LYPD6B: variants seen among roughly 807,000 people sequenced by gnomAD.
LYPD6B encodes the protein ly6/PLAUR domain-containing protein 6B.
In LYPD6B, 17 loss-of-function variants were observed where a neutral mutation model predicts 22.8. That is an observed-to-expected ratio of 0.75 (90% CI 0.51 to 1.12). The LOEUF is 1.12. Among genes scored for constraint, LYPD6B ranks in the 50% most tolerant of loss-of-function variants. The pLI, the probability that LYPD6B is intolerant of heterozygous loss-of-function variation, is 0.00. For synonymous variants in LYPD6B, 106 were observed against 91.6 expected (o/e 1.16, Z -0.90); for missense variants, 221 against 258.3 (o/e 0.86, Z 0.99).
chr2:149,196,674 T>G (rs1692831583), intron 3 of LYPD6B, among the ~76,000 whole-genome samples: 1 of 152,234 alleles, frequency 6.6e-6, no homozygotes, highest in Non-Finnish European at 1.5e-5. Flanking sequence ...TGGCACACAG[T>G]GCTTAAGCAA....
At chr2:149,174,636 ATAACCATG>A (rs1310159515) in intron 3 of LYPD6B, among the ~76,000 whole-genome samples, 8 of 152,166 alleles carry the variant, frequency 5.3e-5, no homozygotes, top group African/African-American at 1.9e-4. Flanking sequence ...ATCTATTGAG[ATAACCATG>A]TAGTTTTTGT....
intron 2 of LYPD6B, among the ~76,000 whole-genome samples, chr2:149,134,733 C>A (rs973683000): frequency 3.3e-5 from 5 of 152,074 alleles, no homozygotes; most frequent in African/African-American, 1.2e-4. Context: ...TGGAAGCAAG[C>A]CAGGATCCAT....
At chr2:149,168,170 C>G (rs1424632099) in intron 3 of LYPD6B, among the ~76,000 whole-genome samples, 3 of 144,428 alleles carry the variant, frequency 2.1e-5, no homozygotes, top group Non-Finnish European at 4.5e-5. Flanking sequence ...AGAGATTGCA[C>G]CACTGCACTG....
Position 149,205,076 on chromosome 2 carries a change from T to C in LYPD6B, c.78-177T>C, listed in dbSNP as rs574280295. The C allele has an allele frequency of 8.6e-5, 53 of 614,294 alleles. 1 individual carries two copies. In the South Asian group the frequency reaches 1.2e-3, roughly 14 times the overall value. The allele number at this position is 614,294 out of a possible 1,614,324, so 38.1% of individuals were successfully genotyped here. On this transcript the variant is annotated intron_variant, in intron 3 of 6. Transcript: ENST00000409642. ...CAGAGGCCTGACCAGTAGAAGGAGG[T>C]CATTACTTACCTTTCATTTGATCAA...
Position 149,189,361 on chromosome 2 carries a change from TATATATAC to T in LYPD6B, c.78-15890_78-15883del, listed in dbSNP as rs1332753168. ...CCAAAATTATATATATATATATATA[TATATATAC>T]ACACACATATGTATATATGTATATA... On this transcript the variant is annotated intron_variant, in intron 3 of 6. Coordinates refer to ENST00000409642, the MANE Select transcript of LYPD6B (RefSeq NM_177964.5). Among the ~76,000 whole-genome samples the T allele has an allele frequency of 1.2e-3, 100 of 86,188 alleles. 5 individuals are homozygous for T. Among genetic ancestry groups the T allele is most frequent in the Admixed American group, 2.3e-3 (18 of 7,892 alleles). The allele number at this position is 86,188 out of a possible 152,430, so 56.5% of individuals were successfully genotyped here.
At chr2:149,140,924 A>C (rs1392439867) in intron 2 of LYPD6B, among the ~76,000 whole-genome samples, 1 of 152,172 alleles carries the variant, frequency 6.6e-6, no homozygotes, top group Admixed American at 6.5e-5. Flanking sequence ...CAAAACATAA[A>C]ACAATGTTTA....
intron 1 of LYPD6B, among the ~76,000 whole-genome samples, chr2:149,113,384 G>C (rs1296429352): frequency 1.3e-5 from 2 of 152,090 alleles, no homozygotes; most frequent in African/African-American, 2.4e-5. Context: ...TGTGTTTTAT[G>C]ATGGGGAAAA....
At position 149,101,851 on chromosome 2, in the gene LYPD6B, T is replaced by C. The variant is rs191232558; in HGVS notation, c.-66-29032T>C. On this transcript the variant is annotated intron_variant, in intron 1 of 6. Coordinates refer to ENST00000409642, the MANE Select transcript of LYPD6B (RefSeq NM_177964.5). ...GAGATATCAGAGGCAGGAACTCTGA[T>C]GGCTTGAGATGATTTCAGGTGGTGC... 6.1e-3 allele frequency among the ~76,000 whole-genome samples: 933 copies of C among 152,384 alleles called. 5 individuals carry two copies. The highest frequency in any genetic ancestry group is 9.1e-3 in the Non-Finnish European group (619 of 68,038).
intron 2 of LYPD6B, among the ~76,000 whole-genome samples, chr2:149,140,911 G>T (rs1347680908): frequency 1.3e-5 from 2 of 152,126 alleles, no homozygotes; most frequent in Non-Finnish European, 2.9e-5. Context: ...GAAGGGATTT[G>T]GCCAAAACAT....
chr2:149,187,310 A>G, intron 3 of LYPD6B: 1 of 1,071,900 alleles, frequency 9.3e-7, no homozygotes, highest in Non-Finnish European at 1.2e-6. Context: ...ATAATGCACT[A>G]AATGAAGTGT....
chr2:149,099,862 A>T (rs955441054), intron 1 of LYPD6B, among the ~76,000 whole-genome samples: 2 of 152,200 alleles, frequency 1.3e-5, no homozygotes, highest in Non-Finnish European at 2.9e-5. Context: ...TTGTTGACAT[A>T]GCAGTGTGAT....
chr2:149,121,838 A>G lies in LYPD6B; in HGVS notation c.-66-9045A>G, dbSNP rs183212188. 3.0e-3 allele frequency among the ~76,000 whole-genome samples: 455 copies of G among 152,266 alleles called. 1 individual carries two copies. Among genetic ancestry groups the G allele is most frequent in the African/African-American group, 0.01 (432 of 41,556 alleles). On this transcript the variant is annotated intron_variant, in intron 1 of 6. Transcript: ENST00000409642. Reference sequence around the variant, plus strand: ...CAACCTCCTGTTCCTCTCTCCCTCCAGTCTCATGCTAGTGCCTCCCACTGA... The same window carrying G: ...CAACCTCCTGTTCCTCTCTCCCTCCGGTCTCATGCTAGTGCCTCCCACTGA...
At chr2:149,202,137 A>T (rs1559075104) in intron 3 of LYPD6B, among the ~76,000 whole-genome samples, 1 of 152,202 alleles carries the variant, frequency 6.6e-6, no homozygotes, top group Non-Finnish European at 1.5e-5. Context: ...ACTATCATTT[A>T]TATCCCTTTA....
chr2:149,181,102 G>C (rs1465348870), intron 3 of LYPD6B, among the ~76,000 whole-genome samples: 1 of 152,086 alleles, frequency 6.6e-6, no homozygotes, highest in Non-Finnish European at 1.5e-5. Context: ...GGGGGTGAGG[G>C]ACCCAGAGTA....
intron 3 of LYPD6B, among the ~76,000 whole-genome samples, chr2:149,169,026 T>A (rs1690631213): frequency 6.6e-6 from 1 of 152,240 alleles, no homozygotes; most frequent in Non-Finnish European, 1.5e-5. Context: ...GTGCTTCATT[T>A]GTAATTAAAC....
chr2:149,176,303 G>A (rs928766748), intron 3 of LYPD6B, among the ~76,000 whole-genome samples: 2 of 152,198 alleles, frequency 1.3e-5, no homozygotes, highest in African/African-American at 4.8e-5. Context: ...GCACACAGAT[G>A]TGTGTGTTTG....
At position 149,056,776 on chromosome 2, in the gene LYPD6B, A is replaced by G. The variant is rs372131558; in HGVS notation, c.-67+17975A>G. On this transcript the variant is annotated intron_variant, in intron 1 of 6. Coordinates refer to ENST00000409642, the MANE Select transcript of LYPD6B (RefSeq NM_177964.5). ...AACACCAGCCATGCGTTCATCTTCA[A>G]TATGACTCGTCTAGGATTCCTGCTT... Among the ~76,000 whole-genome samples the G allele has an allele frequency of 1.1e-4, 17 of 152,238 alleles. No individual in the cohort carries two copies. The South Asian group carries it at 1.5e-3, about 13-fold the overall frequency.
At chr2:149,196,498 G>A (rs1433455901) in intron 3 of LYPD6B, among the ~76,000 whole-genome samples, 1 of 152,168 alleles carries the variant, frequency 6.6e-6, no homozygotes, top group South Asian at 2.1e-4. Context: ...AATGGTCAGC[G>A]ACATGAAACC....
chr2:149,083,685 A>G (rs1026512178), intron 1 of LYPD6B, among the ~76,000 whole-genome samples: 3 of 152,146 alleles, frequency 2.0e-5, no homozygotes, highest in African/African-American at 4.8e-5. Context: ...TGCCAAAGCT[A>G]CTTCATAGGT....
Sources: allele counts gnomAD v4.1 joint callset (sites outside exome capture counted in the v4.1 genomes callset), GRCh38; gene constraint gnomAD v4.1.1; transcripts MANE v1.5; gene names NCBI Gene and HGNC (gene_info 2026-07-23, HGNC 2026-07-21).